ZBTB25: variants seen among roughly 807,000 people sequenced by gnomAD.
ZBTB25 encodes the protein zinc finger and BTB domain-containing protein 25.
A neutral mutation model predicts 34.2 loss-of-function variants in ZBTB25; 20 were observed. The ratio of observed to expected loss-of-function variants is 0.58; its 90% CI spans 0.41 to 0.85. The LOEUF (loss-of-function observed/expected upper bound fraction) is 0.85, where lower values mean the gene tolerates loss of function less well. Among genes scored for constraint, ZBTB25 ranks in the 40% least tolerant of loss-of-function variants. The pLI is 0.00. For missense variants in ZBTB25, 437 were observed against 521.8 expected (o/e 0.84, Z 1.58); for synonymous variants, 175 against 186.4 (o/e 0.94, Z 0.50).
intron 2 of ZBTB25, chr14:64,471,609 C>A (rs2078672616): frequency 6.0e-6 from 1 of 167,000 alleles, no homozygotes; most frequent in East Asian, 1.9e-4. Context: ...TGTGAAATGG[C>A]CATAATACCA....
At chr14:64,458,406 G>A in intron 2 of ZBTB25, 1 of 855,230 alleles carries the variant, frequency 1.2e-6, no homozygotes, top group Non-Finnish European at 2.0e-6. Context: ...ACATTCTAAT[G>A]CTTTCAAAAC....
chr14:64,472,550 T>C (rs761848192), intron 2 of ZBTB25: 1 of 166,956 alleles, frequency 6.0e-6, no homozygotes, highest in Non-Finnish European at 1.5e-5. Context: ...TATGATAAGA[T>C]GTATATTTTA....
chr14:64,505,089 C>G (rs959667547), upstream of ZBTB25: 15 of 357,876 alleles, frequency 4.2e-5, no homozygotes, highest in Non-Finnish European at 7.0e-5. Context: ...GCTGCGAGGA[C>G]CCGGTGACGG....
At chr14:64,450,051 AAGTGCTGG>A (rs555109286) in intron 2 of ZBTB25, among the ~76,000 whole-genome samples, 217 of 152,212 alleles carry the variant, frequency 1.4e-3, no homozygotes, top group African/African-American at 5.0e-3. Context: ...TGGCCTCCCA[AAGTGCTGG>A]AATTACAGGC....
intron 2 of ZBTB25, chr14:64,453,963 T>G (rs2078422000): frequency 1.3e-6 from 1 of 746,996 alleles, no homozygotes; most frequent in Non-Finnish European, 2.4e-6. Context: ...GTTGCTTCAC[T>G]TCTCTGGGTG....
chr14:64,457,279 T>C (rs577194234), intron 2 of ZBTB25, among the ~76,000 whole-genome samples: 2 of 152,258 alleles, frequency 1.3e-5, no homozygotes, highest in East Asian at 3.9e-4. Context: ...TACCTCCTTT[T>C]GGTCTTGCAA....
intron 2 of ZBTB25, chr14:64,458,361 G>GA: frequency 9.1e-7 from 1 of 1,094,288 alleles, no homozygotes; most frequent in Admixed American, 1.7e-5. Context: ...GCTTATTTAT[G>GA]AATTATAGGG....
At position 64,480,352 on chromosome 14, in the gene ZBTB25, A is replaced by G; in HGVS notation, c.*6571T>C. On this transcript the variant is annotated 3_prime_UTR_variant, in exon 3 of 3. Coordinates refer to ENST00000608382, the MANE Select transcript of ZBTB25 (RefSeq NM_006977.5). ...AAAAAAAAAAAAAAAAAAAAGAAGA[A>G]GCAAAGCAAGAAACTTCTGGGAAAT... 2.5e-6 allele frequency: 1 copy of G among 398,014 alleles called. No homozygotes were observed. The highest frequency in any genetic ancestry group is 1.9e-5 in the South Asian group (1 of 53,788). The allele number at this position is 398,014 out of a possible 1,614,324, so 24.7% of individuals were successfully genotyped here.
chr14:64,465,855 G>T (rs1228236292), intron 2 of ZBTB25, among the ~76,000 whole-genome samples: 1 of 152,202 alleles, frequency 6.6e-6, no homozygotes, highest in African/African-American at 2.4e-5. Flanking sequence ...ATGGGTTGCC[G>T]GTGGCTTTTT....
At chr14:64,456,576 C>G (rs1377223033) in intron 2 of ZBTB25, among the ~76,000 whole-genome samples, 1 of 152,188 alleles carries the variant, frequency 6.6e-6, no homozygotes, top group Admixed American at 6.5e-5. Flanking sequence ...GGGTTTTCTG[C>G]TGACATGCAC....
intron 2 of ZBTB25, chr14:64,454,573 T>C: frequency 1.6e-6 from 1 of 633,274 alleles, no homozygotes; most frequent in East Asian, 2.9e-5. Context: ...GCTTAATAAA[T>C]AAGCTGGAGG....
In ZBTB25 at chr14:64,503,601, G is replaced by A. The variant is rs145802986; in HGVS notation, c.-8+60C>T. On this transcript the variant is annotated intron_variant, in intron 1 of 2. Coordinates refer to ENST00000608382, the MANE Select transcript of ZBTB25 (RefSeq NM_006977.5). ...CAGCTGCAGGCCGCCGCCCTGGGTG[G>A]CTCGCGGCAGGAGGGACTGAGCCCG... 8.1e-4 allele frequency: 795 copies of A among 985,734 alleles called. 5 individuals are homozygous for A. The African/African-American group carries it at 0.013, about 16-fold the overall frequency. 61.1% of individuals were successfully genotyped at this position (985,734 alleles called of 1,614,324 possible).
intron 1 of ZBTB25, among the ~76,000 whole-genome samples, chr14:64,493,255 G>A (rs2079151930): frequency 6.6e-6 from 1 of 152,220 alleles, no homozygotes; most frequent in South Asian, 2.1e-4. Flanking sequence ...GAGCGTGGTA[G>A]TTAAAGCTTG....
intron 1 of ZBTB25, among the ~76,000 whole-genome samples, chr14:64,501,926 TTC>T (rs1233395638): frequency 6.6e-6 from 1 of 152,242 alleles, no homozygotes; most frequent in Non-Finnish European, 1.5e-5. Flanking sequence ...CCACAGGCGA[TTC>T]TCTCATTCCC....
At chr14:64,462,682 A>C (rs1340861242) in intron 2 of ZBTB25, 1 of 152,198 alleles carries the variant, frequency 6.6e-6, no homozygotes, top group Non-Finnish European at 1.5e-5. Flanking sequence ...TTAATTCAAA[A>C]GAGATAGCAT....
intron 1 of ZBTB25, among the ~76,000 whole-genome samples, chr14:64,502,216 A>G (rs372283896): frequency 6.6e-6 from 1 of 152,218 alleles, no homozygotes; most frequent in African/African-American, 2.4e-5. Context: ...ACTACATGCA[A>G]ATAAGACATT....
At chr14:64,495,551 T>C (rs1180967796) in intron 1 of ZBTB25, among the ~76,000 whole-genome samples, 1 of 152,256 alleles carries the variant, frequency 6.6e-6, no homozygotes. Flanking sequence ...GCTGGGACCT[T>C]ATGCCAGTCT....
chr14:64,489,633 A>T (rs1339313086), intron 2 of ZBTB25, among the ~76,000 whole-genome samples: 5 of 150,866 alleles, frequency 3.3e-5, no homozygotes, highest in Non-Finnish European at 7.4e-5. Flanking sequence ...CCTCATAGGT[A>T]CACGCAATTC....
chr14:64,453,014 A>G (rs902193399), intron 2 of ZBTB25, among the ~76,000 whole-genome samples: 5 of 151,976 alleles, frequency 3.3e-5, no homozygotes, highest in Non-Finnish European at 5.9e-5. Flanking sequence ...ATGAGCCACC[A>G]TACCCAGCCT....
Sources: allele counts gnomAD v4.1 joint callset (sites outside exome capture counted in the v4.1 genomes callset), GRCh38; gene constraint gnomAD v4.1.1; transcripts MANE v1.5; gene names NCBI Gene and HGNC (gene_info 2026-07-23, HGNC 2026-07-21).